SLC12A3: variants seen among roughly 807,000 people sequenced by gnomAD.
SLC12A3 encodes the protein solute carrier family 12 member 3.
A neutral mutation model predicts 121.0 loss-of-function variants in SLC12A3; 104 were observed. That is an observed-to-expected ratio of 0.86 (90% confidence interval 0.73 to 1.01). SLC12A3 has a LOEUF of 1.01. Among genes scored for constraint, SLC12A3 ranks in the 50% least tolerant of loss-of-function variants. SLC12A3 has a pLI of 0.00. For missense variants in SLC12A3, 1,328 were observed against 1,356.3 expected, an observed-to-expected ratio of 0.98 and a Z score of 0.33; for synonymous variants, 536 against 533.4, an observed-to-expected ratio of 1.00 and a Z score of -0.07.
At chr16:56,878,407 G>A (rs1434974205) in intron 9 of SLC12A3, among the ~76,000 whole-genome samples, 3 of 152,014 alleles carry the variant, frequency 2.0e-5, no homozygotes, top group Non-Finnish European at 4.4e-5. Flanking sequence ...AGGCTCCTTG[G>A]GTCCCTTGAA....
Position 56,894,645 on chromosome 16 carries a change from A to G in SLC12A3, c.2633+3A>G. The G allele has an allele frequency of 6.2e-7, 1 of 1,610,712 alleles. No homozygotes were observed. The highest frequency in any genetic ancestry group is 1.3e-5 in the African/African-American group (1 of 74,954). ...AGGATGGACCAGGAGAGAAAGGCGT[A>G]AGTGTGGAGGGCTGGCCTGGGGGTG... On this transcript the variant is annotated splice_donor_region_variant and intron_variant, in intron 22 of 25. Coordinates refer to ENST00000563236, the MANE Select transcript of SLC12A3 (RefSeq NM_001126108.2).
intron 2 of SLC12A3, 37 bp downstream of exon 2, chr16:56,867,253 TG>T (rs2144682827): frequency 1.9e-6 from 3 of 1,574,668 alleles, no homozygotes; most frequent in South Asian, 1.2e-5. Flanking sequence ...TGTCCAGAAA[TG>T]GGGGTGGGGT....
Position 56,893,050 on chromosome 16 carries a change from T to A in SLC12A3, c.2517T>A (p.Asp839Glu), listed in dbSNP as rs200636784. 3 of 1,613,534 alleles carry A rather than the reference T, an allele frequency of 1.9e-6. No individual in the cohort carries two copies. In the African/African-American group the frequency reaches 4.0e-5, roughly 21 times the overall value. ...KTIDIYWLFD[D>E]GGLTLLIPYL... is the part of the protein sequence containing the mutation. The stretch of plus-strand genomic sequence containing the variant: ...TAGACATCTACTGGCTCTTTGACGA[T>A]GGAGGTCAGTGACCCCCTTGGATCA... Residue 839 changes from aspartate to glutamate, a missense_variant, in exon 21 of 26, where the codon GAT becomes GAA. By Grantham distance (45) the Asp-to-Glu change is conservative. Transcript: ENST00000563236.
At position 56,893,025 on chromosome 16, in the gene SLC12A3, T is replaced by C; in HGVS notation, c.2492T>C (p.Ile831Thr). The change falls in exon 21 of 26, where the codon ATA becomes ACA. Residue 831 changes from isoleucine to threonine, a missense_variant. Ile to Thr is a moderately conservative substitution (Grantham distance 89, BLOSUM62 -1). Transcript: ENST00000563236. The part of the protein sequence containing the change: ...IFQSEQGKKT[I>T]DIYWLFDDGG... ...CAGTCGGAGCAGGGCAAGAAGACCA[T>C]AGACATCTACTGGCTCTTTGACGAT... 1 of 1,614,150 alleles carries C rather than the reference T, an allele frequency of 6.2e-7. No homozygotes were observed. Among genetic ancestry groups the C allele is most frequent in the Non-Finnish European group, 8.5e-7 (1 of 1,179,992 alleles).
chr16:56,885,219 G>A, intron 14 of SLC12A3, 46 bp from the exon 15 acceptor site: 1 of 1,164,360 alleles, frequency 8.6e-7, no homozygotes, highest in Non-Finnish European at 1.3e-6. Flanking sequence ...TTCCTCTAGT[G>A]ATTCCTAACT....
intron 5 of SLC12A3, 66 bp from the exon 6 acceptor site, chr16:56,870,560 G>C: frequency 9.3e-7 from 1 of 1,079,404 alleles, no homozygotes; most frequent in Non-Finnish European, 1.4e-6. Flanking sequence ...CCTCCTAGGT[G>C]GGCAGAGTCT....
intron 24 of SLC12A3, 136 bp from the exon 25 acceptor site, chr16:56,904,259 T>C (rs756652567): frequency 1.0e-5 from 9 of 858,622 alleles, no homozygotes; most frequent in Admixed American, 1.8e-5. Flanking sequence ...GGAGACTCTA[T>C]AAGAATTTAT....
In SLC12A3 at chr16:56,870,120, G is replaced by C. The variant is rs758035631; in HGVS notation, c.626G>C (p.Arg209Pro). 1 of 1,613,772 alleles carries C rather than the reference G, an allele frequency of 6.2e-7. No homozygotes were observed. The highest frequency in any genetic ancestry group is 8.5e-7 in the Non-Finnish European group (1 of 1,180,044). ...GGTGGCACCTACTTCCTCATCTCCC[G>C]GAGTCTGGGCCCAGAGCTTGGGGGC... ...KSGGTYFLIS[R>P]SLGPELGGSI... The change falls in exon 5 of 26, where the codon CGG becomes CCG. Residue 209 changes from arginine (R) to proline (P), a missense_variant. Arg to Pro is a moderately radical substitution (Grantham distance 103, BLOSUM62 -2). Coordinates refer to ENST00000563236, the MANE Select transcript of SLC12A3 (RefSeq NM_001126108.2).
chr16:56,887,734 A>G (rs1361194042), intron 17 of SLC12A3, among the ~76,000 whole-genome samples, 191 bp from the exon 18 acceptor site: 1 of 145,882 alleles, frequency 6.9e-6, no homozygotes, highest in Non-Finnish European at 1.5e-5. Flanking sequence ...CTTTCTCCCA[A>G]TAAAGTTTTG....
At chr16:56,879,026 G>T in intron 9 of SLC12A3, 47 bp from the exon 10 acceptor site, 1 of 1,569,234 alleles carries the variant, frequency 6.4e-7, no homozygotes, top group Non-Finnish European at 8.6e-7. Flanking sequence ...AGAGGACAGA[G>T]TAAGGAGGGA....
intron 22 of SLC12A3, among the ~76,000 whole-genome samples, chr16:56,897,668 G>C (rs1456072473): frequency 6.6e-6 from 1 of 152,192 alleles, no homozygotes; most frequent in Non-Finnish European, 1.5e-5. Context: ...TCCTGGCTCT[G>C]AATGGAAGCT....
chr16:56,879,887 G>A (rs1277519411), intron 11 of SLC12A3, among the ~76,000 whole-genome samples: 1 of 152,134 alleles, frequency 6.6e-6, no homozygotes, highest in Non-Finnish European at 1.5e-5. Flanking sequence ...CATCCTGTCC[G>A]CAACTCCACC....
intron 8 of SLC12A3, among the ~76,000 whole-genome samples, chr16:56,877,636 G>A (rs1461952884): frequency 5.3e-5 from 8 of 152,114 alleles, no homozygotes; most frequent in Admixed American, 5.2e-4. Context: ...GACAGATGAG[G>A]GGCCGGGGTG....
At chr16:56,887,166 C>A in intron 17 of SLC12A3, 73 bp downstream of exon 17, 1 of 1,598,996 alleles carries the variant, frequency 6.3e-7, no homozygotes, top group African/African-American at 1.3e-5. Flanking sequence ...AAAGTCTTGG[C>A]GGCCCCTTTG....
chr16:56,880,427 G>A (rs551242154), intron 12 of SLC12A3, among the ~76,000 whole-genome samples, 174 bp downstream of exon 12: 2 of 152,256 alleles, frequency 1.3e-5, no homozygotes, highest in South Asian at 2.1e-4. Flanking sequence ...AGGAGACATC[G>A]GGGGGCCATG....
rs1964379221 is a variant in SLC12A3, at chr16:56,867,235, G to A, written c.429+19G>A. On this transcript the variant is annotated intron_variant, in intron 2 of 25. Transcript: ENST00000563236. ...GGTGATGGTGAGTGGGGTGTGGGTG[G>A]TGCGTGATGTCCAGAAATGGGGGTG... 8.8e-6 allele frequency: 14 copies of A among 1,594,690 alleles called. No individual in the cohort carries two copies. In the East Asian group the frequency reaches 3.2e-4, roughly 36 times the overall value.
chr16:56,890,793 T>C (rs1286108173), intron 19 of SLC12A3, among the ~76,000 whole-genome samples: 7 of 151,792 alleles, frequency 4.6e-5, no homozygotes, highest in Admixed American at 3.3e-4. Flanking sequence ...TCCCAGCTAC[T>C]TGGGAGGCTG....
intron 1 of SLC12A3, among the ~76,000 whole-genome samples, 183 bp from the exon 2 acceptor site, chr16:56,866,887 C>A (rs770117472): frequency 6.6e-6 from 1 of 152,220 alleles, no homozygotes; most frequent in African/African-American, 2.4e-5. Flanking sequence ...TTACTACAGG[C>A]GTGAGCCACT....
At chr16:56,913,164 G>C (rs1662889750) in intron 25 of SLC12A3, 100 bp from the exon 26 acceptor site, 2 of 1,508,972 alleles carry the variant, frequency 1.3e-6, no homozygotes, top group African/African-American at 1.4e-5. Context: ...AGCTCTGAGG[G>C]ACGGTAAACA....
Sources: gnomAD v4.1 joint callset for allele counts (sites outside exome capture counted in the v4.1 genomes callset) on GRCh38, gnomAD v4.1.1 for gene constraint, MANE v1.5 for transcripts, NCBI Gene and HGNC (gene_info 2026-07-23, HGNC 2026-07-21) for gene names.